GLMN: variants seen among roughly 807,000 people sequenced by gnomAD.
GLMN encodes glomulin, FKBP associated protein.
In GLMN, 75 loss-of-function variants were observed where a neutral mutation model predicts 87.8. The ratio of observed to expected loss-of-function variants is 0.85; its 90% CI spans 0.71 to 1.04. The LOEUF (loss-of-function observed/expected upper bound fraction) is 1.04, where lower values mean the gene tolerates loss of function less well. GLMN is among the 50% of genes least tolerant of loss of function. GLMN has a pLI of 0.00. For synonymous variants in GLMN, 206 were observed against 221.6 expected (o/e 0.93, Z 0.63); for missense variants, 588 against 658.8 (o/e 0.89, Z 1.18).
intron 7 of GLMN, among the ~76,000 whole-genome samples, chr1:92,277,237 A>G (rs1233876941): frequency 6.6e-6 from 1 of 152,216 alleles, no homozygotes; most frequent in Admixed American, 6.5e-5. Context: ...ATCATTGCTT[A>G]CTTAACTCCC....
the GLMN span, chr1:92,324,453 G>T: frequency 1.5e-5 from 16 of 1,075,100 alleles, no homozygotes; most frequent in African/African-American, 2.4e-4. Flanking sequence ...GGAGCAGGAA[G>T]GATATTGAAG....
the GLMN span, among the ~76,000 whole-genome samples, chr1:92,339,309 ACCCCACCCCCGC>A: frequency 7.4e-6 from 1 of 134,368 alleles, no homozygotes; most frequent in Non-Finnish European, 1.6e-5. Context: ...CCTGGGTCCT[ACCCCACCCCCGC>A]CCCCACAACC....
intron 7 of GLMN, 81 bp from the exon 8 acceptor site, chr1:92,271,733 TCAC>T: frequency 1.1e-6 from 1 of 935,916 alleles, no homozygotes; most frequent in Admixed American, 1.8e-5. Flanking sequence ...CTCCACATTC[TCAC>T]CAAGGGGAGG....
chr1:92,368,136 A>C, the GLMN span, among the ~76,000 whole-genome samples: 1 of 152,128 alleles, frequency 6.6e-6, no homozygotes, highest in South Asian at 2.1e-4. Context: ...TAAAAATCCA[A>C]GTTCATGGCT....
the GLMN span, among the ~76,000 whole-genome samples, chr1:92,340,030 T>G: frequency 1.3e-5 from 2 of 152,216 alleles, no homozygotes; most frequent in Non-Finnish European, 2.9e-5. Context: ...GGAATTTATT[T>G]TATATTCTCT....
the GLMN span, among the ~76,000 whole-genome samples, chr1:92,310,791 G>A: frequency 6.6e-6 from 1 of 151,974 alleles, no homozygotes; most frequent in East Asian, 1.9e-4. Flanking sequence ...CAGCTACTTG[G>A]GAGGCTGAGT....
At chr1:92,366,659 T>C in the GLMN span, among the ~76,000 whole-genome samples, 1 of 152,222 alleles carries the variant, frequency 6.6e-6, no homozygotes, top group South Asian at 2.1e-4. Flanking sequence ...ATATTAAACA[T>C]GAAATTGTAA....
At chr1:92,344,816 A>T in the GLMN span, among the ~76,000 whole-genome samples, 2 of 152,076 alleles carry the variant, frequency 1.3e-5, no homozygotes, top group Admixed American at 6.5e-5. Context: ...AATTTCTCAA[A>T]TTATTAGTGA....
chr1:92,303,885 G>C (rs139472198), upstream of GLMN: 346 of 771,528 alleles, frequency 4.5e-4, no homozygotes, highest in African/African-American at 4.4e-3. Flanking sequence ...TGCTATCCCT[G>C]TGTTTTCAGA....
chr1:92,271,939 G>T (rs1193278893), intron 7 of GLMN, among the ~76,000 whole-genome samples: 1 of 152,082 alleles, frequency 6.6e-6, no homozygotes, highest in Non-Finnish European at 1.5e-5. Context: ...TTTTAAAGGG[G>T]GTCCAGGCCT....
At chr1:92,348,082 G>A in the GLMN span, among the ~76,000 whole-genome samples, 52 of 152,054 alleles carry the variant, frequency 3.4e-4, no homozygotes, top group African/African-American at 1.3e-3. Context: ...GTAGAGCTGG[G>A]GTTTCACCAT....
At chr1:92,327,914 C>T in the GLMN span, among the ~76,000 whole-genome samples, 1 of 152,224 alleles carries the variant, frequency 6.6e-6, no homozygotes, top group Non-Finnish European at 1.5e-5. Context: ...CATTTATGAA[C>T]CTTAGTTTCG....
At chr1:92,308,131 A>G in the GLMN span, among the ~76,000 whole-genome samples, 2 of 152,180 alleles carry the variant, frequency 1.3e-5, no homozygotes, top group South Asian at 2.1e-4. Flanking sequence ...GCGATGTAAC[A>G]CCACTCTCAA....
At chr1:92,354,781 C>T in the GLMN span, among the ~76,000 whole-genome samples, 4 of 151,564 alleles carry the variant, frequency 2.6e-5, no homozygotes, top group African/African-American at 9.7e-5. Context: ...TTTTTTGTTT[C>T]TCTTGGAAGT....
chr1:92,334,739 C>G, the GLMN span, among the ~76,000 whole-genome samples: 35 of 152,186 alleles, frequency 2.3e-4, no homozygotes, highest in Non-Finnish European at 3.4e-4. Context: ...GTAATCCCAG[C>G]ACTTTGGGAG....
chr1:92,342,330 G>A, the GLMN span, among the ~76,000 whole-genome samples: 13 of 152,176 alleles, frequency 8.5e-5, no homozygotes, highest in Non-Finnish European at 1.8e-4. Flanking sequence ...GAGCAGGCCT[G>A]GTGTATTCAC....
chr1:92,330,506 G>T, the GLMN span, among the ~76,000 whole-genome samples: 1 of 129,680 alleles, frequency 7.7e-6, no homozygotes, highest in Non-Finnish European at 1.5e-5. Context: ...GGAGTGCAAT[G>T]GTGCCATCTT....
the GLMN span, among the ~76,000 whole-genome samples, chr1:92,312,411 C>T: frequency 1.2e-5 from 1 of 83,032 alleles, no homozygotes; most frequent in African/African-American, 4.5e-5. Context: ...AGAGCAAGAC[C>T]GTGTCTCAAA....
rs761602030 is a variant in GLMN at position 92,268,122 on chromosome 1, C to G, written c.991G>C (p.Val331Leu). The G allele has an allele frequency of 7.0e-7, 1 of 1,431,982 alleles. No individual in the cohort carries two copies. The highest frequency in any genetic ancestry group is 1.2e-5 in the South Asian group (1 of 86,938). 88.7% of individuals were successfully genotyped at this position (1,431,982 alleles called of 1,614,324 possible). The change falls in exon 10 of 19, where the codon GTT becomes CTT. Residue 331 changes from valine to leucine, a missense_variant. Coordinates refer to ENST00000370360, the MANE Select transcript of GLMN (RefSeq NM_053274.3). The part of the protein sequence containing the change: ...EVFLQRTEES[V>L]ISKGLELLEN... ...CATCTTACCAATCCTTTGGAGATAA[C>G]AGACTCTTCTGTTCTGAAAAATAAT...
Sources: allele counts gnomAD v4.1 joint callset (sites outside exome capture counted in the v4.1 genomes callset), GRCh38; gene constraint gnomAD v4.1.1; transcripts MANE v1.5; gene names NCBI Gene and HGNC (gene_info 2026-07-23, HGNC 2026-07-21).